The following CTNND2 variants were observed in gnomAD, a reference collection of about 807,000 sequenced individuals.
The protein encoded by CTNND2 is catenin delta 2, also known as catenin delta-2.
CTNND2 carries 22 observed loss-of-function variants against 144.4 expected under a neutral mutation model. The observed-to-expected ratio is 0.15, with a 90% CI of 0.11 to 0.22. The LOEUF is 0.22. CTNND2 is among the 10% of genes least tolerant of loss of function. The probability of loss-of-function intolerance (pLI) is 1.00; values close to 1 mark genes in which losing one functional copy is unlikely to be tolerated. For synonymous variants in CTNND2, 751 were observed against 695.6 expected, an observed-to-expected ratio of 1.08 and a Z score of -1.25; for missense variants, 1,353 against 1,618.8, an observed-to-expected ratio of 0.84 and a Z score of 2.82.
chr5:11,681,296 G>A (rs185666082), intron 2 of CTNND2, among the ~76,000 whole-genome samples: 10 of 152,316 alleles, frequency 6.6e-5, no homozygotes, highest in African/African-American at 1.9e-4. Context: ...GAACTGAACC[G>A]TGTCCACAGC....
intron 3 of CTNND2, among the ~76,000 whole-genome samples, chr5:11,522,592 G>C (rs1036649074): frequency 2.0e-5 from 3 of 152,058 alleles, no homozygotes; most frequent in African/African-American, 2.4e-5. Context: ...CTATACCCAC[G>C]CAACTCCTTC....
At chr5:11,772,984 AC>A (rs1455870098) in intron 1 of CTNND2, among the ~76,000 whole-genome samples, 1 of 152,246 alleles carries the variant, frequency 6.6e-6, no homozygotes, top group Non-Finnish European at 1.5e-5. Flanking sequence ...ATATAAGATG[AC>A]CCAGATCATC....
chr5:11,831,320 T>C (rs1218483651), intron 1 of CTNND2, among the ~76,000 whole-genome samples: 2 of 150,790 alleles, frequency 1.3e-5, no homozygotes, highest in African/African-American at 4.9e-5. Flanking sequence ...AATATGAAGC[T>C]AGAGTAATCA....
intron 2 of CTNND2, among the ~76,000 whole-genome samples, chr5:11,713,971 G>A (rs1786191181): frequency 6.6e-6 from 1 of 152,152 alleles, no homozygotes. Flanking sequence ...TTCAAGTATG[G>A]CAGGTCCCTA....
chr5:11,870,073 C>T (rs1037265059), intron 1 of CTNND2, among the ~76,000 whole-genome samples: 3 of 152,166 alleles, frequency 2.0e-5, no homozygotes, highest in Admixed American at 1.3e-4. Context: ...GCATCCACTA[C>T]CACAATGCCT....
In CTNND2 at chr5:11,665,799, T is replaced by A. The variant is rs75888468; in HGVS notation, c.174+66337A>T. Among the ~76,000 whole-genome samples the A allele has an allele frequency of 1.7e-3, 259 of 152,308 alleles. 4 individuals carry two copies. The East Asian group carries it at 0.039, about 23-fold the overall frequency. On this transcript the variant is annotated intron_variant, in intron 2 of 21. Transcript: ENST00000304623. ...GACCCTAACCCTTTCCTGTCTCACA[T>A]TGTTTAAACACATTTGCTTTGTCCT...
At chr5:11,376,328 G>GTGTGTGTTCATGTATC (rs1554044810) in intron 7 of CTNND2, among the ~76,000 whole-genome samples, 4 of 152,222 alleles carry the variant, frequency 2.6e-5, no homozygotes, top group East Asian at 1.9e-4. Flanking sequence ...GTGTGTGTGT[G>GTGTGTGTTCATGTATC]TGTGTGTGTG....
intron 14 of CTNND2, among the ~76,000 whole-genome samples, chr5:11,104,268 TC>T (rs1348032804): frequency 6.6e-6 from 1 of 152,130 alleles, no homozygotes; most frequent in African/African-American, 2.4e-5. Context: ...ATCTGCAGCA[TC>T]AGGGAAACAT....
At chr5:11,038,898 G>GTGAT (rs1352272839) in intron 16 of CTNND2, among the ~76,000 whole-genome samples, 11 of 152,140 alleles carry the variant, frequency 7.2e-5, no homozygotes, top group Admixed American at 3.3e-4. Flanking sequence ...TAGGAAAACT[G>GTGAT]CTAACCAAAC....
At chr5:11,841,342 T>C (rs1261340935) in intron 1 of CTNND2, among the ~76,000 whole-genome samples, 2 of 152,078 alleles carry the variant, frequency 1.3e-5, no homozygotes, top group African/African-American at 4.8e-5. Context: ...AAAAAATTAA[T>C]GAGCCATCAC....
intron 10 of CTNND2, among the ~76,000 whole-genome samples, chr5:11,232,477 T>C (rs1429104849): frequency 6.6e-6 from 1 of 152,242 alleles, no homozygotes; most frequent in Admixed American, 6.5e-5. Context: ...GGAGATCATT[T>C]TGGAACTTTA....
At chr5:11,276,838 T>C (rs779937672) in intron 9 of CTNND2, among the ~76,000 whole-genome samples, 11 of 149,670 alleles carry the variant, frequency 7.3e-5, no homozygotes, top group Middle Eastern at 3.4e-3. Flanking sequence ...GAGGTGGAGA[T>C]TGGAGTGGTG....
intron 2 of CTNND2, among the ~76,000 whole-genome samples, chr5:11,606,112 G>C (rs961005595): frequency 2.0e-5 from 3 of 152,098 alleles, no homozygotes; most frequent in African/African-American, 4.8e-5. Flanking sequence ...ATGAAGCCAC[G>C]AGCCAAGGAA....
chr5:11,893,816 C>CT (rs1737180868), intron 1 of CTNND2, among the ~76,000 whole-genome samples: 1 of 152,152 alleles, frequency 6.6e-6, no homozygotes, highest in African/African-American at 2.4e-5. Flanking sequence ...CAATTTATCA[C>CT]ACAACCCATG....
chr5:11,154,552 C>G (rs937439741), intron 12 of CTNND2, among the ~76,000 whole-genome samples: 1 of 152,168 alleles, frequency 6.6e-6, no homozygotes, highest in African/African-American at 2.4e-5. Context: ...TCTGAGTTGT[C>G]TATCTCCTCC....
intron 1 of CTNND2, among the ~76,000 whole-genome samples, chr5:11,865,373 T>C (rs894096756): frequency 1.3e-5 from 2 of 152,136 alleles, no homozygotes; most frequent in Non-Finnish European, 2.9e-5. Flanking sequence ...AAGAGCCTGA[T>C]ATGGGAAGAA....
chr5:11,827,564 A>T (rs1481470331), intron 1 of CTNND2, among the ~76,000 whole-genome samples: 1 of 152,216 alleles, frequency 6.6e-6, no homozygotes, highest in Admixed American at 6.5e-5. Context: ...AGAAAAAGAT[A>T]GAGAAAACAT....
At chr5:11,608,413 A>G (rs574221515) in intron 2 of CTNND2, among the ~76,000 whole-genome samples, 4 of 152,108 alleles carry the variant, frequency 2.6e-5, no homozygotes, top group African/African-American at 9.6e-5. Context: ...AAAATCTGGC[A>G]TTTCTCCCAT....
chr5:11,314,163 C>T (rs1751267435), intron 9 of CTNND2, among the ~76,000 whole-genome samples: 1 of 152,146 alleles, frequency 6.6e-6, no homozygotes, highest in Admixed American at 6.5e-5. Context: ...GAGGTAGGGT[C>T]TGCGGATACC....
Sources: gnomAD v4.1 joint callset for allele counts (sites outside exome capture counted in the v4.1 genomes callset) on GRCh38, gnomAD v4.1.1 for gene constraint, MANE v1.5 for transcripts, NCBI Gene and HGNC (gene_info 2026-07-23, HGNC 2026-07-21) for gene names.